Variants in ITGAE observed in about 807,000 individuals in gnomAD.
ITGAE encodes the protein integrin subunit alpha E, also known as integrin alpha-E.
In ITGAE, 99 loss-of-function variants were observed where a neutral mutation model predicts 136.5. That is an observed-to-expected ratio of 0.73 (90% CI 0.62 to 0.86). The LOEUF (loss-of-function observed/expected upper bound fraction) is 0.86, where lower values mean the gene tolerates loss of function less well. Among genes scored for constraint, ITGAE ranks in the 40% least tolerant of loss-of-function variants. ITGAE has a pLI of 0.00. For synonymous variants in ITGAE, 613 were observed against 591.8 expected (o/e 1.04, Z -0.52); for missense variants, 1,447 against 1,515.3 (o/e 0.95, Z 0.75).
rs953922713 is a variant in ITGAE, at chr17:3,754,063, A to G, written c.1385-138T>C. On this transcript the variant is annotated intron_variant, in intron 12 of 30. Transcript: ENST00000263087. Reference sequence around the variant, plus strand: ...AATAGGAGAGACTGTCTTTCTCACTATGTTAAAAATCGGCATCAGCGAGCA... The same window carrying G: ...AATAGGAGAGACTGTCTTTCTCACTGTGTTAAAAATCGGCATCAGCGAGCA... The G allele has an allele frequency of 1.5e-5, 15 of 979,332 alleles. No individual in the cohort carries two copies. The African/African-American group carries it at 2.0e-4, about 13-fold the overall frequency. The allele number at this position is 979,332 out of a possible 1,614,324, so 60.7% of individuals were successfully genotyped here.
chr17:3,779,097 G>A (rs1036780352), intron 1 of ITGAE, among the ~76,000 whole-genome samples: 2 of 152,036 alleles, frequency 1.3e-5, no homozygotes, highest in Non-Finnish European at 2.9e-5. Context: ...AACTGGGAAG[G>A]GACTAGAAGG....
chr17:3,768,464 C>G (rs2052349299), intron 2 of ITGAE, among the ~76,000 whole-genome samples: 1 of 152,196 alleles, frequency 6.6e-6, no homozygotes, highest in Non-Finnish European at 1.5e-5. Context: ...ATGTAGTTTA[C>G]ACCAATGTCC....
chr17:3,792,999 A>T (rs1437557359), intron 1 of ITGAE, among the ~76,000 whole-genome samples: 2 of 152,100 alleles, frequency 1.3e-5, no homozygotes, highest in East Asian at 3.8e-4. Flanking sequence ...CAGGAAACAT[A>T]ACCAGACCAG....
chr17:3,781,057 T>C (rs1483894013), intron 1 of ITGAE, among the ~76,000 whole-genome samples: 2 of 152,220 alleles, frequency 1.3e-5, no homozygotes, highest in Admixed American at 6.5e-5. Flanking sequence ...GTAAGTTTGT[T>C]TACTGCCTAC....
chr17:3,796,783 C>T (rs564619107), intron 1 of ITGAE, among the ~76,000 whole-genome samples: 7 of 152,202 alleles, frequency 4.6e-5, no homozygotes, highest in East Asian at 3.9e-4. Flanking sequence ...CCCAGCACAC[C>T]GGGCAATTTC....
At chr17:3,795,846 T>C (rs1011271303) in intron 1 of ITGAE, among the ~76,000 whole-genome samples, 6 of 142,334 alleles carry the variant, frequency 4.2e-5, no homozygotes, top group African/African-American at 1.6e-4. Flanking sequence ...CATGTGTGCA[T>C]CTGTGTGTGT....
At chr17:3,776,962 CT>C (rs72345629) in intron 2 of ITGAE, among the ~76,000 whole-genome samples, 7,118 of 137,964 alleles carry the variant, frequency 0.052, 147 homozygotes, top group African/African-American at 0.071. Flanking sequence ...TTAAAATTGT[CT>C]TTTTTTTTTT....
intron 2 of ITGAE, among the ~76,000 whole-genome samples, chr17:3,775,111 C>T (rs1189601384): frequency 4.6e-5 from 7 of 152,162 alleles, no homozygotes; most frequent in Middle Eastern, 3.4e-3. Flanking sequence ...CCACCATATC[C>T]GGCTGATTTT....
intron 15 of ITGAE, among the ~76,000 whole-genome samples, chr17:3,751,242 T>A (rs1794758530): frequency 6.6e-6 from 1 of 151,302 alleles, no homozygotes; most frequent in African/African-American, 2.4e-5. Context: ...ACATGCAGTG[T>A]GAGAGGCTGG....
intron 15 of ITGAE, among the ~76,000 whole-genome samples, chr17:3,751,114 C>T (rs1303714505): frequency 6.6e-6 from 1 of 151,828 alleles, no homozygotes; most frequent in African/African-American, 2.4e-5. Context: ...CTCAGAGGAG[C>T]ATCAGTTCTA....
intron 29 of ITGAE, chr17:3,717,037 T>G (rs954837252): frequency 4.7e-6 from 2 of 422,670 alleles, no homozygotes; most frequent in African/African-American, 4.0e-5. Flanking sequence ...CTAGAAGGGC[T>G]AGGTCTGTCA....
At chr17:3,761,541 T>G (rs1597343735) in intron 4 of ITGAE, 21 bp from the exon 5 acceptor site, 1 of 1,590,280 alleles carries the variant, frequency 6.3e-7, no homozygotes, top group Non-Finnish European at 8.6e-7. Context: ...GAAGAGAGGG[T>G]GGGGAAACAC....
At chr17:3,771,725 C>T (rs923528714) in intron 2 of ITGAE, among the ~76,000 whole-genome samples, 3 of 151,884 alleles carry the variant, frequency 2.0e-5, no homozygotes, top group African/African-American at 7.3e-5. Flanking sequence ...TTAGTGGAGA[C>T]GGGGTTTCAC....
chr17:3,720,317 T>C lies in ITGAE; in HGVS notation c.3323A>G (p.His1108Arg). The change falls in exon 29 of 31, where the codon CAC (histidine) becomes CGC (arginine). Residue 1108 changes from histidine (H) to arginine (R), a missense_variant. Physicochemically the swap from His to Arg is conservative, Grantham distance 29. This residue lies in a region of ITGAE where 1,031 missense variants were observed against 1,011.4 expected (regional missense o/e 1.02). Transcript: ENST00000263087. ...SLYEGLNAEN[H>R]RTKITVVFLK... ...CCAGCCAGGAATTACCTTAGTTCTG[T>C]GGTTCTCTGCATTCAGTCCCTCATA... 1 of 1,551,680 alleles carries C rather than the reference T, an allele frequency of 6.4e-7. No individual in the cohort carries two copies. Among genetic ancestry groups the C allele is most frequent in the Non-Finnish European group, 8.9e-7 (1 of 1,123,250 alleles).
intron 17 of ITGAE, 140 bp from the exon 18 acceptor site, chr17:3,746,067 G>T: frequency 1.4e-6 from 1 of 730,502 alleles, no homozygotes; most frequent in Non-Finnish European, 2.2e-6. Context: ...CTGGACTCCT[G>T]CGTCGGTTTT....
In ITGAE at chr17:3,725,782, G is replaced by A. The variant is rs202002425; in HGVS notation, c.3085-2038C>T. 629 of 1,602,806 alleles carry A rather than the reference G, an allele frequency of 3.9e-4. No individual in the cohort carries two copies. Among genetic ancestry groups the A allele is most frequent in the Non-Finnish European group, 4.9e-4 (580 of 1,172,814 alleles). On this transcript the variant is annotated intron_variant, in intron 26 of 30. Coordinates refer to ENST00000263087, the MANE Select transcript of ITGAE (RefSeq NM_002208.5). Reference sequence around the variant, plus strand: ...GGAGGGATTGACTTAGAGCAAATGCGAACCAAGTTGTCTTCCTTGGCTACT... The same window carrying A: ...GGAGGGATTGACTTAGAGCAAATGCAAACCAAGTTGTCTTCCTTGGCTACT...
intron 26 of ITGAE, 60 bp from the exon 27 acceptor site, chr17:3,723,804 CGTCCCGGCCCCG>C: frequency 6.3e-7 from 1 of 1,588,466 alleles, no homozygotes; most frequent in Admixed American, 1.8e-5. Flanking sequence ...TTTTCCGTCC[CGTCCCGGCCCCG>C]GCCCTGGCGA....
chr17:3,722,127 C>T (rs940399839), intron 28 of ITGAE, among the ~76,000 whole-genome samples: 3 of 133,082 alleles, frequency 2.3e-5, no homozygotes, highest in South Asian at 2.4e-4. Context: ...TGCAGTGAGC[C>T]GAGATCGTGC....
chr17:3,760,850 C>G (rs1322553863), intron 6 of ITGAE, among the ~76,000 whole-genome samples, 163 bp downstream of exon 6: 1 of 152,034 alleles, frequency 6.6e-6, no homozygotes, highest in Non-Finnish European at 1.5e-5. Flanking sequence ...CCTCAGTTTC[C>G]CCACTTATAA....
Sources: allele counts gnomAD v4.1 joint callset (sites outside exome capture counted in the v4.1 genomes callset), GRCh38; gene constraint gnomAD v4.1.1; regional missense constraint gnomAD v4.1.1; transcripts MANE v1.5; gene names NCBI Gene and HGNC (gene_info 2026-07-23, HGNC 2026-07-21).